The following PEAK1 variants were observed in gnomAD, a reference collection of about 807,000 sequenced individuals.
PEAK1 encodes the protein inactive tyrosine-protein kinase PEAK1.
A neutral mutation model predicts 124.7 loss-of-function variants in PEAK1; 54 were observed. The observed-to-expected ratio is 0.43, with a 90% CI of 0.35 to 0.54. The LOEUF is 0.54. Among genes scored for constraint, PEAK1 ranks in the 20% least tolerant of loss-of-function variants. PEAK1 has a pLI of 0.01. For missense variants in PEAK1, 2,046 were observed against 2,134.5 expected, an observed-to-expected ratio of 0.96 and a Z score of 0.82; for synonymous variants, 719 against 760.0, an observed-to-expected ratio of 0.95 and a Z score of 0.89.
chr15:77,331,962 C>T (rs756261297), intron 2 of PEAK1, among the ~76,000 whole-genome samples: 12 of 151,496 alleles, frequency 7.9e-5, no homozygotes, highest in Non-Finnish European at 1.5e-4. Flanking sequence ...AGAGGCTGGG[C>T]GAGGTGGCTC....
At chr15:77,417,246 A>G (rs2072951880) in intron 1 of PEAK1, 2 of 632,218 alleles carry the variant, frequency 3.2e-6, no homozygotes, top group South Asian at 7.0e-5. Context: ...CTCATATTCT[A>G]TAATACTCAG....
intron 2 of PEAK1, among the ~76,000 whole-genome samples, chr15:77,290,345 C>T (rs2063151715): frequency 6.6e-6 from 1 of 152,166 alleles, no homozygotes; most frequent in Non-Finnish European, 1.5e-5. Context: ...GTCTCAAACT[C>T]CTGACCTCAA....
rs74990714 is a variant in PEAK1 at position 77,400,874 on chromosome 15, T to G, written c.-666+19132A>C. On this transcript the variant is annotated intron_variant, in intron 1 of 9. Transcript: ENST00000682557. ...GTTTTTCAATATATTGTTTGAATTT[T>G]TCTGAGATATTATTCGTCTATCACT... is the stretch of plus-strand genomic sequence containing the variant. Among the ~76,000 whole-genome samples, 358 of 152,292 alleles carry G rather than the reference T, an allele frequency of 2.4e-3. 1 individual carries two copies. The highest frequency in any genetic ancestry group is 8.2e-3 in the African/African-American group (340 of 41,586).
chr15:77,117,239 T>C (rs2051471657), intron 9 of PEAK1, among the ~76,000 whole-genome samples: 1 of 152,184 alleles, frequency 6.6e-6, no homozygotes, highest in Non-Finnish European at 1.5e-5. Flanking sequence ...TTATAAAAAA[T>C]GACACTCTCC....
At chr15:77,245,684 A>T (rs1181053270) in intron 6 of PEAK1, among the ~76,000 whole-genome samples, 1 of 152,124 alleles carries the variant, frequency 6.6e-6, no homozygotes, top group Non-Finnish European at 1.5e-5. Flanking sequence ...GGCCTGGGAA[A>T]CCGAGTGAGA....
At chr15:77,215,618 T>C (rs918841768) in intron 6 of PEAK1, among the ~76,000 whole-genome samples, 1 of 152,226 alleles carries the variant, frequency 6.6e-6, no homozygotes, top group Non-Finnish European at 1.5e-5. Context: ...CCAACCTTTT[T>C]CAGAAAAATA....
chr15:77,387,381 G>C (rs1376076452), intron 1 of PEAK1, among the ~76,000 whole-genome samples: 1 of 152,130 alleles, frequency 6.6e-6, no homozygotes, highest in African/African-American at 2.4e-5. Flanking sequence ...CCTCATACTA[G>C]GTTACAAATA....
chr15:77,401,507 A>C, intron 1 of PEAK1: 1 of 969,020 alleles, frequency 1.0e-6, no homozygotes, highest in Non-Finnish European at 1.2e-6. Flanking sequence ...TAAGAGTATA[A>C]GAAGAACAAT....
intron 5 of PEAK1, among the ~76,000 whole-genome samples, chr15:77,270,067 G>A (rs1378711747): frequency 6.6e-6 from 1 of 152,086 alleles, no homozygotes; most frequent in African/African-American, 2.4e-5. Context: ...CTTTTGAGGA[G>A]TGCTTTACTT....
chr15:77,305,224 TGGGA>T (rs1390420560), intron 2 of PEAK1, among the ~76,000 whole-genome samples: 1 of 12,988 alleles, frequency 7.7e-5, no homozygotes, highest in Admixed American at 1.1e-3. Context: ...GGAGGGTGGG[TGGGA>T]GGGAGAGATG....
At position 77,356,605 on chromosome 15, in the gene PEAK1, C is replaced by G. The variant is rs577129567; in HGVS notation, c.-603+8558G>C. Among the ~76,000 whole-genome samples, 268 of 152,204 alleles carry G rather than the reference C, an allele frequency of 1.8e-3. 1 individual carries two copies. Among genetic ancestry groups the G allele is most frequent in the African/African-American group, 6.2e-3 (257 of 41,526 alleles). ...GCAGCAATATTAAAAATTGCAAACA[C>G]CTGAAAATAAGATTCTTATTCTTAA... is the stretch of plus-strand genomic sequence containing the variant. On this transcript the variant is annotated intron_variant, in intron 2 of 9. Transcript: ENST00000682557.
intron 1 of PEAK1, chr15:77,417,639 C>T (rs2072997090): frequency 1.0e-6 from 1 of 981,950 alleles, no homozygotes; most frequent in Non-Finnish European, 1.2e-6. Context: ...ATTACTTAAA[C>T]AACCCATCCA....
intron 6 of PEAK1, among the ~76,000 whole-genome samples, chr15:77,205,275 T>TTA (rs1458958453): frequency 7.7e-5 from 11 of 143,400 alleles, no homozygotes; most frequent in African/African-American, 2.6e-4. Context: ...TGCCTTTTTT[T>TTA]AAAAAAAAAA....
intron 2 of PEAK1, among the ~76,000 whole-genome samples, chr15:77,316,997 C>T (rs2064921254): frequency 6.6e-6 from 1 of 152,134 alleles, no homozygotes; most frequent in African/African-American, 2.4e-5. Flanking sequence ...AGGAGAATTG[C>T]TTGAACCCAG....
chr15:77,399,649 C>T (rs1332689026), intron 1 of PEAK1, among the ~76,000 whole-genome samples: 3 of 152,126 alleles, frequency 2.0e-5, no homozygotes, highest in Admixed American at 1.3e-4. Context: ...TCTCACCATA[C>T]ACAAAAAGTC....
chr15:77,317,298 G>C (rs2064939855), intron 2 of PEAK1, among the ~76,000 whole-genome samples: 1 of 151,606 alleles, frequency 6.6e-6, no homozygotes, highest in Non-Finnish European at 1.5e-5. Context: ...TTTATGAACA[G>C]AAAAACAAAG....
intron 2 of PEAK1, among the ~76,000 whole-genome samples, chr15:77,358,185 A>G (rs191184909): frequency 6.6e-6 from 1 of 152,078 alleles, no homozygotes. Flanking sequence ...CTACTTCCAC[A>G]ATTTTGCTCT....
At chr15:77,130,749 T>C (rs1319870959) in intron 9 of PEAK1, among the ~76,000 whole-genome samples, 1 of 152,222 alleles carries the variant, frequency 6.6e-6, no homozygotes, top group Non-Finnish European at 1.5e-5. Flanking sequence ...TTCAAAAACC[T>C]TTCATATGCA....
chr15:77,391,714 G>A (rs1308817122), intron 1 of PEAK1, among the ~76,000 whole-genome samples: 1 of 152,104 alleles, frequency 6.6e-6, no homozygotes, highest in Non-Finnish European at 1.5e-5. Flanking sequence ...CCCAAAAAAG[G>A]GAAGAGAAAT....
Sources: gnomAD v4.1 joint callset for allele counts (sites outside exome capture counted in the v4.1 genomes callset) on GRCh38, gnomAD v4.1.1 for gene constraint, MANE v1.5 for transcripts, NCBI Gene and HGNC (gene_info 2026-07-23, HGNC 2026-07-21) for gene names.